Variants in DBN1 observed in about 807,000 individuals in gnomAD.
DBN1 encodes the protein drebrin.
DBN1 carries 21 observed loss-of-function variants against 83.5 expected under a neutral mutation model. That is an observed-to-expected ratio of 0.25 (90% CI 0.18 to 0.36). The LOEUF (loss-of-function observed/expected upper bound fraction) is 0.36, where lower values mean the gene tolerates loss of function less well. Ranked by LOEUF, DBN1 falls within the 10% of genes least tolerant of loss-of-function variation. The pLI is 1.00. For missense variants in DBN1, 874 were observed against 935.7 expected (o/e 0.93, Z 0.86); for synonymous variants, 381 against 384.9 (o/e 0.99, Z 0.12).
rs1757506906 is a variant in DBN1, at chr5:177,467,187, G to A, written c.555+68C>T. ...GGCATGGGCCATGCCACTGCAGTGA[G>A]GGACTCAGACCTGCCCCATGGGGTC... is the stretch of plus-strand genomic sequence containing the variant. On this transcript the variant is annotated intron_variant, in intron 6 of 14. Coordinates refer to ENST00000393565, the MANE Select transcript of DBN1 (RefSeq NM_001363541.2). The surrounding 1 kb of genome is among the most constrained non-coding windows in gnomAD (Gnocchi z 9.1). 8 of 1,608,146 alleles carry A rather than the reference G, an allele frequency of 5.0e-6. No homozygotes were observed. The Admixed American group carries it at 5.0e-5, about 10-fold the overall frequency.
chr5:177,472,073 G>A (rs1757883411), intron 1 of DBN1: 2 of 1,583,516 alleles, frequency 1.3e-6, no homozygotes, highest in Middle Eastern at 1.7e-4. Context: ...GACAATGGGT[G>A]GGCCGCCTGC....
Position 177,459,655 on chromosome 5 carries a change from G to A in DBN1, c.1041C>T (p.Pro347=). The A allele has an allele frequency of 6.3e-7, 1 of 1,588,016 alleles. No individual in the cohort carries two copies. ...SSSSSSPPRT[P]FPYITCHRTP... ...TGCGGTGGCAGGTGATATAGGGAAAGGGAGTCCGTGGAGGGGAGGAGGAGG... is the reference window on the plus strand; with the variant it reads ...TGCGGTGGCAGGTGATATAGGGAAAAGGAGTCCGTGGAGGGGAGGAGGAGG... Residue 347 remains proline, a synonymous_variant, in exon 11 of 15, where the codon CCC becomes CCT. Transcript: ENST00000393565.
intron 1 of DBN1, chr5:177,472,380 A>G: frequency 6.8e-7 from 1 of 1,469,184 alleles, no homozygotes; most frequent in Non-Finnish European, 8.9e-7. Context: ...AGGCCTAGGA[A>G]CCAGATGGGC....
Position 177,459,673 on chromosome 5 carries a change from G to A in DBN1, c.1023C>T (p.Ser341=), listed in dbSNP as rs1396041323. The A allele has an allele frequency of 1.3e-6, 2 of 1,593,234 alleles. No individual in the cohort carries two copies. The highest frequency in any genetic ancestry group is 1.7e-6 in the Non-Finnish European group (2 of 1,170,300). ...AGGGAAAGGGAGTCCGTGGAGGGGA[G>A]GAGGAGGAAGAGGAGGAGGAGGAAG... The part of the protein sequence containing the change: ...SGPSSSSSSS[S]SPPRTPFPYI... The change falls in exon 11 of 15, where the codon TCC becomes TCT. Residue 341 remains serine, a synonymous_variant. Coordinates refer to ENST00000393565, the MANE Select transcript of DBN1 (RefSeq NM_001363541.2).
rs78386702 is a variant in DBN1, at chr5:177,466,792, A to T, written c.751T>A (p.Leu251Met). 6.2e-7 allele frequency: 1 copy of T among 1,613,780 alleles called. No individual in the cohort carries two copies. Among genetic ancestry groups the T allele is most frequent in the Non-Finnish European group, 8.5e-7 (1 of 1,179,880 alleles). ...TLEAEEAKRRLKEQSIFGDHR... is the reference protein window; with the variant it reads ...TLEAEEAKRRMKEQSIFGDHR... ...CTTACAAAGATAGACTGCTCCTTCAACCGCCTCTTGGCCTCTTCCGCTTCT... is the reference window on the plus strand; with the variant it reads ...CTTACAAAGATAGACTGCTCCTTCATCCGCCTCTTGGCCTCTTCCGCTTCT... Residue 251 changes from leucine (L) to methionine (M), a missense_variant, in exon 8 of 15, where the codon TTG becomes ATG. Physicochemically the swap from Leu to Met is conservative, Grantham distance 15. Around this residue, in one of 4 missense-constraint regions of DBN1, gnomAD observed 725 missense variants for 719.7 expected, o/e 1.01. Coordinates refer to ENST00000393565, the MANE Select transcript of DBN1 (RefSeq NM_001363541.2). This position sits in a 1 kb window ranked among gnomAD's most constrained non-coding sequence, Gnocchi z 4.8.
intron 8 of DBN1, among the ~76,000 whole-genome samples, chr5:177,464,875 C>T (rs949983030): frequency 6.6e-6 from 1 of 151,892 alleles, no homozygotes; most frequent in Non-Finnish European, 1.5e-5. Flanking sequence ...GGGAGGCAGG[C>T]CGGGTGCAGT....
At chr5:177,473,303 G>A in intron 1 of DBN1, 133 bp downstream of exon 1, 3 of 448,780 alleles carry the variant, frequency 6.7e-6, no homozygotes, top group South Asian at 7.8e-5. Flanking sequence ...AGCCCCTCCC[G>A]GCCCTCCCGG....
chr5:177,469,565 C>A lies in DBN1; in HGVS notation c.87-666G>T, dbSNP rs192710443. Among the ~76,000 whole-genome samples, 122 of 152,340 alleles carry A rather than the reference C, an allele frequency of 8.0e-4. 2 individuals are homozygous for A. The highest frequency in any genetic ancestry group is 7.5e-4 in the Non-Finnish European group (51 of 68,036). On this transcript the variant is annotated intron_variant, in intron 1 of 14. Coordinates refer to ENST00000393565, the MANE Select transcript of DBN1 (RefSeq NM_001363541.2). ...GGGGTGGCCAAGCCTGAGCTCCAGG[C>A]CTTCCAGCCCCTAGGCTGCCTCAGT...
At chr5:177,464,811 G>A (rs758051544) in intron 8 of DBN1, among the ~76,000 whole-genome samples, 69 of 151,154 alleles carry the variant, frequency 4.6e-4, no homozygotes, top group Non-Finnish European at 7.1e-4. Context: ...GTGGTGGTGG[G>A]CGCCTGTAAT....
At chr5:177,457,929 T>C (rs1473601802) in intron 13 of DBN1, 129 bp downstream of exon 13, 3 of 1,377,462 alleles carry the variant, frequency 2.2e-6, no homozygotes, top group Non-Finnish European at 3.1e-6. Flanking sequence ...GAGGGTGGGA[T>C]GGACTTCCCC....
At chr5:177,463,003 C>T (rs565248051) in intron 8 of DBN1, among the ~76,000 whole-genome samples, 1 of 152,242 alleles carries the variant, frequency 6.6e-6, no homozygotes, top group African/African-American at 2.4e-5. Flanking sequence ...GGTTCCTCTG[C>T]CTTGTTCAAA....
chr5:177,459,457 T>A, intron 11 of DBN1, 146 bp downstream of exon 11: 1 of 1,320,182 alleles, frequency 7.6e-7, no homozygotes, highest in East Asian at 2.7e-5. Context: ...CAGTGCCCCA[T>A]AAGGCCAGGG....
rs1295712799 is a variant in DBN1, at chr5:177,460,425, G to C, written c.955+7C>G. ...GGGGCCGGACGGGGGGTGGGGCCTAGGACTACCTGGTCGATGGTTGAAGGG... is the reference window on the plus strand; with the variant it reads ...GGGGCCGGACGGGGGGTGGGGCCTACGACTACCTGGTCGATGGTTGAAGGG... On this transcript the variant is annotated splice_region_variant and intron_variant, in intron 10 of 14. Coordinates refer to ENST00000393565, the MANE Select transcript of DBN1 (RefSeq NM_001363541.2). 6.8e-6 allele frequency: 11 copies of C among 1,613,364 alleles called. 1 individual carries two copies. The South Asian group carries it at 1.2e-4, about 18-fold the overall frequency.
intron 12 of DBN1, 25 bp from the exon 13 acceptor site, chr5:177,458,732 T>TATGTAACCG: frequency 6.7e-7 from 1 of 1,485,872 alleles, no homozygotes; most frequent in Non-Finnish European, 8.9e-7. Context: ...GCAGAGGAGA[T>TATGTAACCG]ATGTAACCGG....
Position 177,467,418 on chromosome 5 carries a change from G to A in DBN1, c.477+63C>T. The A allele has an allele frequency of 2.5e-6, 4 of 1,612,444 alleles. No homozygotes were observed. Among genetic ancestry groups the A allele is most frequent in the Non-Finnish European group, 2.5e-6 (3 of 1,178,756 alleles). Reference sequence around the variant, plus strand: ...AAGGGTGAGAGCTAAGAGGGACCGGGCAGGCCAGACTCGGGCACCAGGCCA... The same window carrying A: ...AAGGGTGAGAGCTAAGAGGGACCGGACAGGCCAGACTCGGGCACCAGGCCA... On this transcript the variant is annotated intron_variant, in intron 5 of 14. Coordinates refer to ENST00000393565, the MANE Select transcript of DBN1 (RefSeq NM_001363541.2). This position sits in a 1 kb window ranked among gnomAD's most constrained non-coding sequence, Gnocchi z 9.1.
rs372908754 is a variant in DBN1 at position 177,463,162 on chromosome 5, G to C, written c.772-2459C>G. ...CGCCATTCTCCTGCCTCAGCCTCCC[G>C]AGTAGCTGGGACTACAGGCGCCCGC... is the stretch of plus-strand genomic sequence containing the variant. On this transcript the variant is annotated intron_variant, in intron 8 of 14. Coordinates refer to ENST00000393565, the MANE Select transcript of DBN1 (RefSeq NM_001363541.2). Among the ~76,000 whole-genome samples, 18 of 152,074 alleles carry C rather than the reference G, an allele frequency of 1.2e-4. No individual in the cohort carries two copies. In the East Asian group the frequency reaches 1.7e-3, roughly 15 times the overall value.
At chr5:177,461,340 C>T (rs1022051686) in intron 8 of DBN1, among the ~76,000 whole-genome samples, 4 of 152,006 alleles carry the variant, frequency 2.6e-5, no homozygotes, top group Admixed American at 1.3e-4. Flanking sequence ...CCTCGTGATC[C>T]GCCCGCCTCG....
Position 177,457,358 on chromosome 5 carries a change from C to T in DBN1, c.*75G>A. 1 of 1,302,766 alleles carries T rather than the reference C, an allele frequency of 7.7e-7. No homozygotes were observed. Among genetic ancestry groups the T allele is most frequent in the Non-Finnish European group, 1.1e-6 (1 of 899,080 alleles). The allele number at this position is 1,302,766 out of a possible 1,614,324, so 80.7% of individuals were successfully genotyped here. A position where few individuals can be genotyped will look rare whatever the true frequency, so the allele number is the denominator to read the frequency against. ...CAGGCGGAGCTGCTGCGAATGCAGG[C>T]ACGGCGGGCCGTCTGGCCAGAGGCT... On this transcript the variant is annotated 3_prime_UTR_variant, in exon 15 of 15. Coordinates refer to ENST00000393565, the MANE Select transcript of DBN1 (RefSeq NM_001363541.2).
rs374607324 is a variant in DBN1, at chr5:177,466,987, T to A, written c.631A>T (p.Met211Leu). 6.2e-6 allele frequency: 10 copies of A among 1,613,370 alleles called. No individual in the cohort carries two copies. Among genetic ancestry groups the A allele is most frequent in the Non-Finnish European group, 8.5e-6 (10 of 1,179,894 alleles). The change falls in exon 7 of 15, where the codon ATG becomes TTG. Residue 211 changes from methionine to leucine, a missense_variant. Physicochemically the swap from Met to Leu is conservative, Grantham distance 15. Transcript: ENST00000393565. The surrounding 1 kb of genome is among the most constrained non-coding windows in gnomAD (Gnocchi z 4.8). Reference sequence around the variant, plus strand: ...TCTTGCTCCTGCCGCTCCTGCTCCATCCGCTCCTGCTCGAACCTGAGCCTC... The same window carrying A: ...TCTTGCTCCTGCCGCTCCTGCTCCAACCGCTCCTGCTCGAACCTGAGCCTC... ...DERLRFEQER[M>L]EQERQEQEER... is the part of the protein sequence containing the mutation.
Sources: allele counts gnomAD v4.1 joint callset (sites outside exome capture counted in the v4.1 genomes callset), GRCh38; gene constraint gnomAD v4.1.1; regional missense constraint gnomAD v4.1.1; non-coding constraint Gnocchi (gnomAD v3.1); transcripts MANE v1.5; gene names NCBI Gene and HGNC (gene_info 2026-07-23, HGNC 2026-07-21).